The following NEDD4L variants were observed in gnomAD, a reference collection of about 807,000 sequenced individuals.
The protein encoded by NEDD4L is E3 ubiquitin-protein ligase NEDD4-like.
Under a neutral mutation model 148.9 loss-of-function variants are expected in NEDD4L, and 54 were observed. The ratio of observed to expected loss-of-function variants is 0.36; its 90% CI spans 0.29 to 0.45. The LOEUF is 0.45. Among genes scored for constraint, NEDD4L ranks in the 20% least tolerant of loss-of-function variants. The pLI, the probability that NEDD4L is intolerant of heterozygous loss-of-function variation, is 1.00. For synonymous variants in NEDD4L, 433 were observed against 440.7 expected (o/e 0.98, Z 0.22); for missense variants, 856 against 1,233.8 (o/e 0.69, Z 4.59).
intron 1 of NEDD4L, among the ~76,000 whole-genome samples, chr18:58,072,870 G>GCACACA (rs761077798): frequency 4.2e-4 from 45 of 106,504 alleles, no homozygotes; most frequent in Non-Finnish European, 8.3e-4. Flanking sequence ...GCGCGCGCGC[G>GCACACA]CGCACACACA....
chr18:58,068,693 C>T (rs1017350222), intron 1 of NEDD4L, among the ~76,000 whole-genome samples: 19 of 152,110 alleles, frequency 1.2e-4, no homozygotes, highest in Admixed American at 9.8e-4. Context: ...GGTTATTTTC[C>T]GTTGATTCAA....
chr18:58,351,256 C>G, intron 18 of NEDD4L: 1 of 814,630 alleles, frequency 1.2e-6, no homozygotes, highest in Non-Finnish European at 1.5e-6. Context: ...TTCACCCAAT[C>G]TGATCTTGTG....
chr18:58,187,104 A>G (rs1048215565), intron 2 of NEDD4L, among the ~76,000 whole-genome samples: 1 of 152,226 alleles, frequency 6.6e-6, no homozygotes, highest in Non-Finnish European at 1.5e-5. Context: ...AGGGCCGAGC[A>G]TGAAGCCTAG....
At chr18:58,083,605 A>G (rs2083582056) in intron 1 of NEDD4L, among the ~76,000 whole-genome samples, 2 of 152,214 alleles carry the variant, frequency 1.3e-5, no homozygotes, top group South Asian at 2.1e-4. Flanking sequence ...GGAGAATGGC[A>G]TGAACTCGGG....
At chr18:58,184,309 C>T (rs530429598) in intron 2 of NEDD4L, among the ~76,000 whole-genome samples, 34 of 151,738 alleles carry the variant, frequency 2.2e-4, no homozygotes, top group African/African-American at 8.2e-4. Context: ...GGATTCTCTA[C>T]CCTCCTCTCC....
chr18:58,279,243 A>G (rs1405574736), intron 5 of NEDD4L, among the ~76,000 whole-genome samples: 1 of 152,188 alleles, frequency 6.6e-6, no homozygotes, highest in Non-Finnish European at 1.5e-5. Context: ...CTGCCCCCAC[A>G]GAGCTTCCAG....
chr18:58,356,948 T>C (rs1410364272), intron 18 of NEDD4L, among the ~76,000 whole-genome samples: 1 of 152,208 alleles, frequency 6.6e-6, no homozygotes, highest in Admixed American at 6.5e-5. Flanking sequence ...ACAGTATGAA[T>C]AGATGGTTTA....
At chr18:58,079,257 G>A (rs1255326104) in intron 1 of NEDD4L, among the ~76,000 whole-genome samples, 2 of 152,138 alleles carry the variant, frequency 1.3e-5, no homozygotes, top group Admixed American at 1.3e-4. Flanking sequence ...TGAAAGAGGT[G>A]CTTGGATATT....
At chr18:58,094,534 C>T (rs1402316806) in intron 1 of NEDD4L, among the ~76,000 whole-genome samples, 1 of 152,178 alleles carries the variant, frequency 6.6e-6, no homozygotes, top group African/African-American at 2.4e-5. Context: ...TGGACGACTG[C>T]ACCCATTTCA....
At chr18:58,144,077 A>G (rs550423411) in intron 1 of NEDD4L, among the ~76,000 whole-genome samples, 1 of 151,238 alleles carries the variant, frequency 6.6e-6, no homozygotes, top group African/African-American at 2.4e-5. Context: ...TGCCACACAC[A>G]TTACTTCATG....
chr18:58,303,215 C>T (rs2056704880), intron 5 of NEDD4L, among the ~76,000 whole-genome samples: 1 of 152,162 alleles, frequency 6.6e-6, no homozygotes, highest in East Asian at 1.9e-4. Flanking sequence ...ACTTTTCTCT[C>T]CCAGGTTGAT....
intron 3 of NEDD4L, among the ~76,000 whole-genome samples, chr18:58,246,468 T>C (rs988154871): frequency 2.0e-5 from 3 of 152,302 alleles, no homozygotes; most frequent in African/African-American, 7.2e-5. Context: ...TTTAGTTATT[T>C]ATTTATTTAG....
intron 25 of NEDD4L, among the ~76,000 whole-genome samples, chr18:58,384,639 T>G (rs2048771945): frequency 6.6e-6 from 1 of 152,240 alleles, no homozygotes; most frequent in Admixed American, 6.5e-5. Context: ...TCCAGCTAGC[T>G]TTACTTTTAA....
intron 1 of NEDD4L, among the ~76,000 whole-genome samples, chr18:58,089,707 T>C: frequency 6.6e-6 from 1 of 152,328 alleles, no homozygotes; most frequent in Non-Finnish European, 1.5e-5. Flanking sequence ...TATTCTTTCC[T>C]GGCAGTTCTA....
intron 5 of NEDD4L, among the ~76,000 whole-genome samples, chr18:58,254,600 A>G (rs1423975664): frequency 1.4e-5 from 2 of 147,740 alleles, no homozygotes; most frequent in African/African-American, 5.0e-5. Context: ...CCCTTCTTCA[A>G]TTTTCCTTTT....
chr18:58,242,873 C>G (rs1004655673), intron 2 of NEDD4L, among the ~76,000 whole-genome samples: 3 of 152,192 alleles, frequency 2.0e-5, no homozygotes, highest in Admixed American at 6.5e-5. Context: ...CTTTGGTTCT[C>G]TCTTCAGGCT....
chr18:58,073,066 A>G (rs912953013), intron 1 of NEDD4L, among the ~76,000 whole-genome samples: 2 of 152,220 alleles, frequency 1.3e-5, no homozygotes, highest in Non-Finnish European at 2.9e-5. Context: ...CACAAACTAT[A>G]AAACATTCTT....
chr18:58,302,305 T>C (rs539382653), intron 5 of NEDD4L, among the ~76,000 whole-genome samples: 1 of 152,312 alleles, frequency 6.6e-6, no homozygotes, highest in African/African-American at 2.4e-5. Context: ...TTAGAGCACG[T>C]TTTTTAGCCT....
chr18:58,186,426 C>G (rs2039489980), intron 2 of NEDD4L, among the ~76,000 whole-genome samples: 1 of 152,214 alleles, frequency 6.6e-6, no homozygotes, highest in African/African-American at 2.4e-5. Flanking sequence ...AAATTGGCCT[C>G]TAGCCCATCG....
Sources: gnomAD v4.1 joint callset for allele counts (sites outside exome capture counted in the v4.1 genomes callset) on GRCh38, gnomAD v4.1.1 for gene constraint, MANE v1.5 for transcripts, NCBI Gene and HGNC (gene_info 2026-07-23, HGNC 2026-07-21) for gene names.